PCDH9: variants seen among roughly 807,000 people sequenced by gnomAD.
PCDH9 encodes protocadherin 9.
A neutral mutation model predicts 70.6 loss-of-function variants in PCDH9; 24 were observed. The observed-to-expected ratio is 0.34, with a 90% CI of 0.25 to 0.48. PCDH9 has a LOEUF of 0.48. Among genes scored for constraint, PCDH9 ranks in the 20% least tolerant of loss-of-function variants. PCDH9 has a pLI of 0.99. For synonymous variants in PCDH9, 562 were observed against 558.5 expected, an observed-to-expected ratio of 1.01 and a Z score of -0.09; for missense variants, 1,281 against 1,503.6, an observed-to-expected ratio of 0.85 and a Z score of 2.45.
intron 4 of PCDH9, among the ~76,000 whole-genome samples, chr13:66,583,467 C>T (rs980905086): frequency 6.6e-6 from 1 of 151,890 alleles, no homozygotes; most frequent in African/African-American, 2.4e-5. Flanking sequence ...AAAAAATTGG[C>T]TGGGCTTGGG....
At chr13:67,073,148 T>C (rs769535499) in intron 2 of PCDH9, among the ~76,000 whole-genome samples, 19 of 152,160 alleles carry the variant, frequency 1.2e-4, no homozygotes, top group Non-Finnish European at 2.1e-4. Flanking sequence ...TATGTCCAAA[T>C]AGTCTCAGGT....
At chr13:66,553,176 C>G (rs1415922742) in intron 4 of PCDH9, among the ~76,000 whole-genome samples, 1 of 152,140 alleles carries the variant, frequency 6.6e-6, no homozygotes, top group East Asian at 1.9e-4. Context: ...AAAGAACATT[C>G]AATTCCAAAA....
intron 3 of PCDH9, among the ~76,000 whole-genome samples, chr13:66,737,852 T>C (rs1477091652): frequency 2.6e-5 from 4 of 152,086 alleles, no homozygotes; most frequent in African/African-American, 4.8e-5. Flanking sequence ...CCTACGCCCA[T>C]GGAATCTCGT....
At chr13:67,073,579 A>T (rs2085810823) in intron 2 of PCDH9, among the ~76,000 whole-genome samples, 1 of 152,066 alleles carries the variant, frequency 6.6e-6, no homozygotes, top group South Asian at 2.1e-4. Context: ...TTATATAACT[A>T]TGTGCAATAA....
At chr13:66,672,138 A>G (rs1417440211) in intron 3 of PCDH9, among the ~76,000 whole-genome samples, 1 of 152,218 alleles carries the variant, frequency 6.6e-6, no homozygotes, top group Non-Finnish European at 1.5e-5. Flanking sequence ...AGGTCAACAT[A>G]CAGCTCAGGC....
At chr13:67,196,436 T>C (rs9571731) in intron 2 of PCDH9, among the ~76,000 whole-genome samples, 34,099 of 151,878 alleles carry the variant, frequency 0.22, 4,104 homozygotes, top group South Asian at 0.32. Flanking sequence ...AAAAACTTCT[T>C]CCATCTCAAA....
At chr13:66,845,393 C>A (rs2081190160) in intron 3 of PCDH9, among the ~76,000 whole-genome samples, 1 of 152,200 alleles carries the variant, frequency 6.6e-6, no homozygotes, top group Non-Finnish European at 1.5e-5. Context: ...TCAGCCTCAC[C>A]TTTGCTTTGA....
intron 3 of PCDH9, among the ~76,000 whole-genome samples, chr13:66,817,955 T>C (rs2080638097): frequency 6.6e-6 from 1 of 152,136 alleles, no homozygotes; most frequent in Non-Finnish European, 1.5e-5. Context: ...TAGATAAATA[T>C]TTGATCCCAA....
At chr13:66,670,864 A>T (rs2078164092) in intron 3 of PCDH9, among the ~76,000 whole-genome samples, 1 of 149,964 alleles carries the variant, frequency 6.7e-6, no homozygotes, top group African/African-American at 2.4e-5. Flanking sequence ...TTAAGTAAAG[A>T]TGAGATCATT....
chr13:67,149,227 C>T (rs896182693), intron 2 of PCDH9, among the ~76,000 whole-genome samples: 3 of 152,138 alleles, frequency 2.0e-5, no homozygotes, highest in Non-Finnish European at 4.4e-5. Context: ...TGAAAACTTT[C>T]CTATCAGTAT....
intron 4 of PCDH9, among the ~76,000 whole-genome samples, chr13:66,487,791 C>T (rs1958969120): frequency 6.6e-6 from 1 of 152,042 alleles, no homozygotes; most frequent in African/African-American, 2.4e-5. Flanking sequence ...TTTACTTTTC[C>T]TGAGTTAATC....
chr13:67,167,148 C>A (rs191847287), intron 2 of PCDH9, among the ~76,000 whole-genome samples: 1 of 152,134 alleles, frequency 6.6e-6, no homozygotes, highest in Admixed American at 6.5e-5. Flanking sequence ...CTATGTTTGT[C>A]TTTAGTGAAA....
intron 3 of PCDH9, among the ~76,000 whole-genome samples, chr13:66,723,195 C>G (rs1272905528): frequency 6.6e-6 from 1 of 151,534 alleles, no homozygotes; most frequent in Non-Finnish European, 1.5e-5. Flanking sequence ...CTTTATTTGC[C>G]CTATATTATA....
intron 3 of PCDH9, among the ~76,000 whole-genome samples, chr13:66,670,417 C>T (rs867708816): frequency 5.3e-5 from 8 of 151,942 alleles, no homozygotes; most frequent in South Asian, 2.1e-4. Flanking sequence ...GATGAAAGAA[C>T]GAAAGAATTG....
intron 2 of PCDH9, among the ~76,000 whole-genome samples, chr13:67,163,345 G>A (rs9541024): frequency 0.011 from 1,747 of 152,266 alleles, 12 homozygotes; most frequent in Non-Finnish European, 0.021. Context: ...TAATATAAGG[G>A]ATCTTGAACA....
intron 4 of PCDH9, among the ~76,000 whole-genome samples, chr13:66,324,740 G>A (rs1402376192): frequency 6.6e-6 from 1 of 151,912 alleles, no homozygotes. Flanking sequence ...AGCAAGCAGA[G>A]CAATTAATTT....
Position 66,437,404 on chromosome 13 carries a change from C to CAAAAAAAAAAAA in PCDH9, c.3341-132388_3341-132377dup, listed in dbSNP as rs66796123. Among the ~76,000 whole-genome samples, 39 of 45,580 alleles carry CAAAAAAAAAAAA rather than the reference C, an allele frequency of 8.6e-4. 2 individuals are homozygous for CAAAAAAAAAAAA. The highest frequency in any genetic ancestry group is 1.8e-3 in the African/African-American group (26 of 14,554). The allele number at this position is 45,580 out of a possible 152,430, so 29.9% of individuals were successfully genotyped here. On this transcript the variant is annotated intron_variant, in intron 4 of 4. Transcript: ENST00000377865. ...TGGGTGACAGAGCAAGACTCTGTCT[C>CAAAAAAAAAAAA]AAAAAAAAAAAAAAAAAAAAAAGGA...
intron 2 of PCDH9, among the ~76,000 whole-genome samples, chr13:67,129,727 G>A (rs2087064464): frequency 2.6e-5 from 4 of 151,824 alleles, no homozygotes; most frequent in Admixed American, 2.6e-4. Context: ...TAGCAAAGAA[G>A]TTTGTTTTTC....
intron 4 of PCDH9, among the ~76,000 whole-genome samples, chr13:66,456,671 C>T (rs1385187982): frequency 3.3e-5 from 5 of 152,046 alleles, no homozygotes; most frequent in African/African-American, 9.7e-5. Context: ...CTTGTGCTTT[C>T]TCAACATGCT....
Sources: gnomAD v4.1 joint callset for allele counts (sites outside exome capture counted in the v4.1 genomes callset) on GRCh38, gnomAD v4.1.1 for gene constraint, MANE v1.5 for transcripts, NCBI Gene and HGNC (gene_info 2026-07-23, HGNC 2026-07-21) for gene names.